The following ERBB4 variants were observed in gnomAD, a reference collection of about 807,000 sequenced individuals.
The protein encoded by ERBB4 is erb-b2 receptor tyrosine kinase 4, also known as receptor tyrosine-protein kinase erbB-4.
In ERBB4, 42 loss-of-function variants were observed where a neutral mutation model predicts 158.0. The ratio of observed to expected loss-of-function variants is 0.27; its 90% CI spans 0.21 to 0.34. The LOEUF is 0.34. Among genes scored for constraint, ERBB4 ranks in the 10% least tolerant of loss-of-function variants. The pLI, the probability that ERBB4 is intolerant of heterozygous loss-of-function variation, is 1.00. For synonymous variants in ERBB4, 583 were observed against 558.7 expected, an observed-to-expected ratio of 1.04 and a Z score of -0.61; for missense variants, 1,333 against 1,624.1, an observed-to-expected ratio of 0.82 and a Z score of 3.08.
chr2:211,561,830 A>G, intron 20 of ERBB4, 73 bp downstream of exon 20: 1 of 1,269,182 alleles, frequency 7.9e-7, no homozygotes, highest in Non-Finnish European at 1.2e-6. Context: ...CATATTTTCA[A>G]TATGAAAACT....
At chr2:211,580,637 T>A (rs1433694649) in intron 19 of ERBB4, among the ~76,000 whole-genome samples, 1 of 150,658 alleles carries the variant, frequency 6.6e-6, no homozygotes, top group African/African-American at 2.4e-5. Context: ...GATCCAGTAA[T>A]CCCACTACTG....
intron 1 of ERBB4, among the ~76,000 whole-genome samples, chr2:212,498,483 C>G (rs771286211): frequency 6.6e-6 from 1 of 152,070 alleles, no homozygotes; most frequent in Non-Finnish European, 1.5e-5. Context: ...GAGATACATT[C>G]CTATTGCAAA....
In ERBB4 at chr2:211,383,537, G is replaced by A; in HGVS notation, c.*78C>T. The A allele has an allele frequency of 1.6e-6, 2 of 1,226,676 alleles. No individual in the cohort carries two copies. The highest frequency in any genetic ancestry group is 2.4e-6 in the Non-Finnish European group (2 of 832,544). 76.0% of individuals were successfully genotyped at this position (1,226,676 alleles called of 1,614,324 possible). A position where few individuals can be genotyped will look rare whatever the true frequency, so the allele number is the denominator to read the frequency against. ...AAAACTACTGGCCTTGGGGTAGAAG[G>A]AAGACCACCAGAGAAAGAGAGGGGG... On this transcript the variant is annotated 3_prime_UTR_variant, in exon 28 of 28. Transcript: ENST00000342788.
intron 20 of ERBB4, among the ~76,000 whole-genome samples, chr2:211,490,205 C>T (rs561024530): frequency 1.1e-4 from 17 of 152,196 alleles, no homozygotes; most frequent in Admixed American, 4.6e-4. Context: ...AATTTTTACT[C>T]ATCTTTCAGA....
intron 1 of ERBB4, among the ~76,000 whole-genome samples, chr2:212,418,674 T>C (rs2091717685): frequency 6.6e-6 from 1 of 151,764 alleles, no homozygotes. Context: ...TTTACTAACT[T>C]GAGAAATGCT....
At chr2:212,175,821 T>C (rs1033493073) in intron 1 of ERBB4, among the ~76,000 whole-genome samples, 1 of 151,960 alleles carries the variant, frequency 6.6e-6, no homozygotes, top group Non-Finnish European at 1.5e-5. Flanking sequence ...TCCAGGGTAC[T>C]TAGAGATCAT....
chr2:211,605,992 G>T (rs1851197), intron 19 of ERBB4, among the ~76,000 whole-genome samples: 123,055 of 151,938 alleles, frequency 0.81, 51,116 homozygotes, highest in Non-Finnish European at 0.9. Flanking sequence ...CTCTTTAAAA[G>T]ATTAAAATTG....
At chr2:211,762,578 G>A (rs554227279) in intron 4 of ERBB4, among the ~76,000 whole-genome samples, 6 of 152,296 alleles carry the variant, frequency 3.9e-5, no homozygotes, top group Admixed American at 2.0e-4. Context: ...ACTGATGTGG[G>A]GGTCTCAGCC....
chr2:211,745,808 C>A (rs1307540489), intron 5 of ERBB4, among the ~76,000 whole-genome samples: 2 of 149,798 alleles, frequency 1.3e-5, no homozygotes, highest in East Asian at 4.0e-4. Flanking sequence ...AAGATGAAGT[C>A]ATTTTCCCAT....
intron 1 of ERBB4, among the ~76,000 whole-genome samples, chr2:212,219,837 G>T (rs1189460449): frequency 6.6e-6 from 1 of 150,636 alleles, no homozygotes; most frequent in African/African-American, 2.4e-5. Context: ...AAACCCTCTG[G>T]TTTTGTCAAT....
chr2:212,194,719 G>T (rs951940425), intron 1 of ERBB4, among the ~76,000 whole-genome samples: 1 of 146,504 alleles, frequency 6.8e-6, no homozygotes, highest in Admixed American at 6.7e-5. Context: ...AATCATTAAA[G>T]AAAAATAAAA....
intron 9 of ERBB4, among the ~76,000 whole-genome samples, chr2:211,710,218 A>G (rs1489687697): frequency 6.6e-6 from 1 of 152,202 alleles, no homozygotes; most frequent in Non-Finnish European, 1.5e-5. Flanking sequence ...ATTCATGTGA[A>G]TATGATTTCA....
intron 1 of ERBB4, among the ~76,000 whole-genome samples, chr2:212,285,448 C>T (rs945326322): frequency 6.6e-6 from 1 of 151,382 alleles, no homozygotes; most frequent in Admixed American, 6.6e-5. Flanking sequence ...CTAAGAGAGA[C>T]TGTAGCCAAA....
chr2:211,642,754 T>C (rs1031418658), intron 16 of ERBB4, among the ~76,000 whole-genome samples: 2 of 152,102 alleles, frequency 1.3e-5, no homozygotes, highest in Admixed American at 1.3e-4. Context: ...CATAAATACT[T>C]ACAAACTTTT....
At chr2:212,282,667 G>C (rs187925667) in intron 1 of ERBB4, among the ~76,000 whole-genome samples, 133 of 151,910 alleles carry the variant, frequency 8.8e-4, no homozygotes, top group African/African-American at 3.0e-3. Context: ...ATAATCATTA[G>C]AGTCACTTGA....
chr2:212,468,227 G>A (rs1224123771), intron 1 of ERBB4, among the ~76,000 whole-genome samples: 1 of 152,124 alleles, frequency 6.6e-6, no homozygotes, highest in Non-Finnish European at 1.5e-5. Flanking sequence ...TAAGGCTTTG[G>A]GGGACTGTTG....
chr2:212,243,475 T>A (rs929746141), intron 1 of ERBB4, among the ~76,000 whole-genome samples: 1 of 152,176 alleles, frequency 6.6e-6, no homozygotes, highest in Non-Finnish European at 1.5e-5. Flanking sequence ...TCTGTAAATT[T>A]TTAGCTTTTT....
At chr2:212,501,547 C>T (rs578008520) in intron 1 of ERBB4, among the ~76,000 whole-genome samples, 2 of 152,272 alleles carry the variant, frequency 1.3e-5, no homozygotes, top group South Asian at 4.1e-4. Context: ...TGACCAGCCA[C>T]AGAAAAGAAA....
intron 12 of ERBB4, among the ~76,000 whole-genome samples, chr2:211,680,915 T>C (rs1049375240): frequency 1.2e-4 from 19 of 152,216 alleles, no homozygotes; most frequent in African/African-American, 3.6e-4. Context: ...TACCATTTGA[T>C]AAGTGCTGAC....
Sources: gnomAD v4.1 joint callset for allele counts (sites outside exome capture counted in the v4.1 genomes callset) on GRCh38, gnomAD v4.1.1 for gene constraint, MANE v1.5 for transcripts, NCBI Gene and HGNC (gene_info 2026-07-23, HGNC 2026-07-21) for gene names.